Variants in CTTNBP2NL observed in about 807,000 individuals in gnomAD.
CTTNBP2NL encodes CTTNBP2 N-terminal like.
Under a neutral mutation model 32.5 loss-of-function variants are expected in CTTNBP2NL, and 16 were observed. The observed-to-expected ratio is 0.49, with a 90% CI of 0.33 to 0.75. The LOEUF is 0.75. CTTNBP2NL is among the 30% of genes least tolerant of loss of function. The probability of loss-of-function intolerance (pLI) is 0.02; values close to 1 mark genes in which losing one functional copy is unlikely to be tolerated. For missense variants in CTTNBP2NL, 645 were observed against 756.0 expected (o/e 0.85, Z 1.72); for synonymous variants, 298 against 289.4 (o/e 1.03, Z -0.30).
chr1:112,456,326 G>T lies in CTTNBP2NL; in HGVS notation c.834G>T (p.Glu278Asp). The change falls in exon 6 of 6, where the codon GAG (glutamate) becomes GAT (aspartate). Residue 278 changes from glutamate (E) to aspartate (D), a missense_variant. Physicochemically the swap from Glu to Asp is conservative, Grantham distance 45. Coordinates refer to ENST00000271277, the MANE Select transcript of CTTNBP2NL (RefSeq NM_018704.3). ...TAAAGAAGATAGTGAAGGACCTAGA[G>T]GCTTCCCACCAGCACAGTAGCCCTA... ...ESLKKIVKDL[E>D]ASHQHSSPNE... 6.2e-7 allele frequency: 1 copy of T among 1,613,964 alleles called. No individual in the cohort carries two copies. Among genetic ancestry groups the T allele is most frequent in the South Asian group, 1.1e-5 (1 of 91,076 alleles).
At chr1:112,416,736 C>T (rs943062518) in intron 3 of CTTNBP2NL, among the ~76,000 whole-genome samples, 2 of 152,012 alleles carry the variant, frequency 1.3e-5, no homozygotes, top group African/African-American at 2.4e-5. Context: ...GGTGATCCGC[C>T]CCCGCTTAGC....
chr1:112,433,363 G>A (rs904036511), intron 3 of CTTNBP2NL, among the ~76,000 whole-genome samples: 7 of 152,216 alleles, frequency 4.6e-5, no homozygotes, highest in Non-Finnish European at 8.8e-5. Context: ...GGAGGCCAAG[G>A]TGGGTGGATT....
At chr1:112,403,705 T>C (rs1648573368) in intron 1 of CTTNBP2NL, among the ~76,000 whole-genome samples, 1 of 152,260 alleles carries the variant, frequency 6.6e-6, no homozygotes, top group Non-Finnish European at 1.5e-5. Flanking sequence ...TGCGTTTACC[T>C]GTATGCTAAA....
chr1:112,435,717 T>C (rs1364998368), intron 3 of CTTNBP2NL, among the ~76,000 whole-genome samples: 1 of 152,244 alleles, frequency 6.6e-6, no homozygotes, highest in Non-Finnish European at 1.5e-5. Context: ...GTACTTTTGC[T>C]CACTATTTTG....
intron 1 of CTTNBP2NL, among the ~76,000 whole-genome samples, chr1:112,406,335 T>C (rs1648665139): frequency 6.6e-6 from 1 of 152,164 alleles, no homozygotes; most frequent in Non-Finnish European, 1.5e-5. Context: ...TAGCTGAGGT[T>C]TTTCCACCAT....
chr1:112,452,645 C>CT (rs34842059), intron 4 of CTTNBP2NL, among the ~76,000 whole-genome samples: 71,930 of 133,084 alleles, frequency 0.54, 20,806 homozygotes, highest in South Asian at 0.7. Flanking sequence ...CTCCTGGCCT[C>CT]TTTTTTTTTT....
At chr1:112,452,335 C>CTTCTTTTTTTT (rs1553227272) in intron 4 of CTTNBP2NL, among the ~76,000 whole-genome samples, 2 of 65,688 alleles carry the variant, frequency 3.0e-5, no homozygotes, top group Admixed American at 2.0e-4. Flanking sequence ...CCAGTCTCTT[C>CTTCTTTTTTTT]TTTTTTTTTT....
At position 112,461,083 on chromosome 1, in the gene CTTNBP2NL, G is replaced by A. The variant is rs891269987; in HGVS notation, c.*3671G>A. ...TTTTAATTTAATTTCTATAAAACTA[G>A]TTGAGAAATGAGAGCCTGTCCACCC... is the stretch of plus-strand genomic sequence containing the variant. On this transcript the variant is annotated 3_prime_UTR_variant, in exon 6 of 6. Coordinates refer to ENST00000271277, the MANE Select transcript of CTTNBP2NL (RefSeq NM_018704.3). 1 of 152,164 alleles carries A rather than the reference G, an allele frequency of 6.6e-6. No homozygotes were observed. Among genetic ancestry groups the A allele is most frequent in the Non-Finnish European group, 1.5e-5 (1 of 68,034 alleles). The allele number at this position is 152,164 out of a possible 1,614,324, so 9.4% of individuals were successfully genotyped here. A position where few individuals can be genotyped will look rare whatever the true frequency, so the allele number is the denominator to read the frequency against.
chr1:112,421,537 G>C (rs1250026005), intron 3 of CTTNBP2NL, among the ~76,000 whole-genome samples: 1 of 147,984 alleles, frequency 6.8e-6, no homozygotes, highest in Non-Finnish European at 1.5e-5. Flanking sequence ...TCCTGACCTC[G>C]TAATCCACCT....
intron 1 of CTTNBP2NL, among the ~76,000 whole-genome samples, chr1:112,407,198 G>A (rs1648692049): frequency 6.6e-6 from 1 of 152,116 alleles, no homozygotes; most frequent in Admixed American, 6.5e-5. Context: ...GTAAGAGGAA[G>A]GCTTAGATCC....
intron 3 of CTTNBP2NL, among the ~76,000 whole-genome samples, chr1:112,418,827 T>C (rs1649141615): frequency 6.6e-6 from 1 of 152,162 alleles, no homozygotes; most frequent in African/African-American, 2.4e-5. Context: ...AATGGCCATT[T>C]TAAAAAATCT....
At chr1:112,445,563 T>C (rs1364563689) in intron 3 of CTTNBP2NL, among the ~76,000 whole-genome samples, 6 of 152,210 alleles carry the variant, frequency 3.9e-5, no homozygotes, top group Admixed American at 3.9e-4. Flanking sequence ...TAGAATGTAC[T>C]TAAGAGAATC....
intron 3 of CTTNBP2NL, among the ~76,000 whole-genome samples, chr1:112,442,485 C>T (rs1403001647): frequency 6.6e-6 from 1 of 152,144 alleles, no homozygotes; most frequent in Non-Finnish European, 1.5e-5. Context: ...AATTCCTAAA[C>T]ACATTTTCTT....
intron 3 of CTTNBP2NL, among the ~76,000 whole-genome samples, chr1:112,437,697 G>C (rs1300673246): frequency 6.6e-6 from 1 of 151,930 alleles, no homozygotes; most frequent in Non-Finnish European, 1.5e-5. Context: ...CTAATTTTTT[G>C]TATTTTTAGT....
chr1:112,438,907 C>T (rs899043291), intron 3 of CTTNBP2NL, among the ~76,000 whole-genome samples: 3 of 152,164 alleles, frequency 2.0e-5, no homozygotes, highest in African/African-American at 2.4e-5. Flanking sequence ...TTAGTCTTGA[C>T]GTTTTTACTC....
chr1:112,449,886 G>C (rs935615930), intron 4 of CTTNBP2NL, among the ~76,000 whole-genome samples: 6 of 152,002 alleles, frequency 3.9e-5, no homozygotes, highest in Non-Finnish European at 5.9e-5. Flanking sequence ...CCCTAAGAAG[G>C]CAAACCTGTG....
intron 1 of CTTNBP2NL, among the ~76,000 whole-genome samples, chr1:112,403,115 CTT>C (rs1182913794): frequency 3.3e-5 from 5 of 152,188 alleles, no homozygotes; most frequent in African/African-American, 4.8e-5. Flanking sequence ...TTTAATGTCT[CTT>C]TTGTCAGTCT....
chr1:112,427,723 G>A (rs780236625), intron 3 of CTTNBP2NL, among the ~76,000 whole-genome samples: 2 of 151,992 alleles, frequency 1.3e-5, no homozygotes, highest in Non-Finnish European at 2.9e-5. Flanking sequence ...GTGAAACCCC[G>A]TCTCTATTAA....
intron 3 of CTTNBP2NL, among the ~76,000 whole-genome samples, chr1:112,421,343 C>T (rs1649225906): frequency 7.1e-6 from 1 of 141,352 alleles, no homozygotes; most frequent in African/African-American, 2.6e-5. Flanking sequence ...CGGAGTTGCC[C>T]AGGCTGGAGT....
Sources: allele counts gnomAD v4.1 joint callset (sites outside exome capture counted in the v4.1 genomes callset), GRCh38; gene constraint gnomAD v4.1.1; transcripts MANE v1.5; gene names NCBI Gene and HGNC (gene_info 2026-07-23, HGNC 2026-07-21).